Variants in RBFOX1 observed in about 807,000 individuals in gnomAD.
RBFOX1 encodes RNA binding protein fox-1 homolog 1.
RBFOX1 carries 8 observed loss-of-function variants against 57.7 expected under a neutral mutation model. The ratio of observed to expected loss-of-function variants is 0.14; its 90% CI spans 0.08 to 0.25. The LOEUF (loss-of-function observed/expected upper bound fraction) is 0.25. RBFOX1 is among the 10% of genes least tolerant of loss of function. The probability of loss-of-function intolerance (pLI) is 1.00; values close to 1 mark genes in which losing one functional copy is unlikely to be tolerated. For missense variants in RBFOX1, 611 were observed against 548.5 expected (o/e 1.11, Z -1.14); for synonymous variants, 326 against 222.4 (o/e 1.47, Z -4.15).
intron 2 of RBFOX1, among the ~76,000 whole-genome samples, chr16:5,571,799 A>C (rs1034359242): frequency 9.2e-5 from 14 of 152,186 alleles, no homozygotes; most frequent in African/African-American, 3.4e-4. Flanking sequence ...AGAAGCAAGG[A>C]GCCCCCTTAC....
At chr16:6,867,727 A>G (rs2060187254) in intron 3 of RBFOX1, among the ~76,000 whole-genome samples, 1 of 152,152 alleles carries the variant, frequency 6.6e-6, no homozygotes, top group African/African-American at 2.4e-5. Context: ...AAAGAAAGGG[A>G]TCCAACAGAT....
At chr16:7,113,800 G>A (rs57178136) in intron 4 of RBFOX1, among the ~76,000 whole-genome samples, 2,326 of 152,112 alleles carry the variant, frequency 0.015, 57 homozygotes, top group African/African-American at 0.053. Flanking sequence ...GGGCATTAAA[G>A]TTCCCTCCCG....
At chr16:5,306,256 G>A (rs1159347530) in intron 1 of RBFOX1, among the ~76,000 whole-genome samples, 1 of 151,684 alleles carries the variant, frequency 6.6e-6, no homozygotes, top group South Asian at 2.1e-4. Context: ...AACCTTCAGT[G>A]ATTTGGATAA....
chr16:6,206,023 C>T (rs1161232332), intron 1 of RBFOX1, among the ~76,000 whole-genome samples: 1 of 151,832 alleles, frequency 6.6e-6, no homozygotes, highest in Non-Finnish European at 1.5e-5. Flanking sequence ...ATAGAGATAG[C>T]CAGCCACTAT....
chr16:7,655,216 C>T (rs1014931527), intron 12 of RBFOX1, among the ~76,000 whole-genome samples: 9 of 152,006 alleles, frequency 5.9e-5, no homozygotes, highest in Admixed American at 5.2e-4. Context: ...AAAATAAATG[C>T]AATAAAGTTA....
At chr16:5,634,701 T>C (rs2048626646) in intron 3 of RBFOX1, among the ~76,000 whole-genome samples, 1 of 152,134 alleles carries the variant, frequency 6.6e-6, no homozygotes, top group South Asian at 2.1e-4. Flanking sequence ...CAAATTGGGA[T>C]GGGGAGCCAG....
At chr16:5,853,150 G>C (rs1328366559) in intron 3 of RBFOX1, among the ~76,000 whole-genome samples, 1 of 152,090 alleles carries the variant, frequency 6.6e-6, no homozygotes, top group Non-Finnish European at 1.5e-5. Context: ...AAGCTGAATA[G>C]GGGCAGAGCA....
At position 5,564,209 on chromosome 16, in the gene RBFOX1, G is replaced by A. The variant is rs764188673; in HGVS notation, c.259-34693G>A. Among the ~76,000 whole-genome samples, 165 of 151,964 alleles carry A rather than the reference G, an allele frequency of 1.1e-3. 1 individual carries two copies. The highest frequency in any genetic ancestry group is 2.0e-3 in the Non-Finnish European group (133 of 67,970). On this transcript the variant is annotated intron_variant, in intron 2 of 2. Transcript: ENST00000585867. ...GTATTTTTTTTTTTAGTAGGGACAG[G>A]GTTTCACTGTGTTGGCCAGGCTGGT...
In RBFOX1 at chr16:6,004,555, T is replaced by C. The variant is rs994845413; in HGVS notation, c.351+137220T>C. ...ATGAATGTCCAGAAGGTTTTAATGA[T>C]GGGAATATAAACACAGATTTCTGCA... On this transcript the variant is annotated intron_variant, in intron 4 of 19. Coordinates refer to the RBFOX1 transcript ENST00000641259. Among the ~76,000 whole-genome samples the C allele has an allele frequency of 2.6e-5, 4 of 152,298 alleles. No individual in the cohort carries two copies. In the East Asian group the frequency reaches 7.7e-4, roughly 29 times the overall value.
chr16:5,439,033 G>C (rs1475193951), intron 1 of RBFOX1, among the ~76,000 whole-genome samples: 1 of 20,824 alleles, frequency 4.8e-5, no homozygotes, highest in Non-Finnish European at 9.9e-5. Context: ...AGAGAATAAT[G>C]GGGGGGGGGG....
intron 4 of RBFOX1, among the ~76,000 whole-genome samples, chr16:7,202,959 T>G (rs934439498): frequency 6.6e-6 from 1 of 152,188 alleles, no homozygotes; most frequent in African/African-American, 2.4e-5. Context: ...ATTTTGTTTT[T>G]ATATTTTTAG....
At chr16:7,196,805 G>T (rs942425532) in intron 4 of RBFOX1, among the ~76,000 whole-genome samples, 2 of 152,118 alleles carry the variant, frequency 1.3e-5, no homozygotes, top group African/African-American at 2.4e-5. Flanking sequence ...TTTTCACACA[G>T]ATGATTTATG....
chr16:6,391,365 C>T (rs530772061), intron 2 of RBFOX1, among the ~76,000 whole-genome samples: 1 of 152,120 alleles, frequency 6.6e-6, no homozygotes, highest in African/African-American at 2.4e-5. Flanking sequence ...AAAAAATTAG[C>T]CAGGCATGGC....
chr16:5,447,101 G>T (rs527258406), intron 1 of RBFOX1, among the ~76,000 whole-genome samples: 6 of 152,086 alleles, frequency 3.9e-5, no homozygotes, highest in South Asian at 2.1e-4. Flanking sequence ...TGTGACTACC[G>T]CATGAGCCCC....
chr16:7,458,687 G>C (rs908246952), intron 4 of RBFOX1, among the ~76,000 whole-genome samples: 2 of 151,702 alleles, frequency 1.3e-5, no homozygotes, highest in African/African-American at 4.8e-5. Flanking sequence ...TTTTTTTCAA[G>C]TTCTTACCTA....
intron 4 of RBFOX1, among the ~76,000 whole-genome samples, chr16:7,139,061 C>T (rs186378235): frequency 2.4e-3 from 364 of 152,254 alleles, no homozygotes; most frequent in Non-Finnish European, 4.2e-3. Context: ...TCCTTGCCCT[C>T]CCAAAGTGCT....
At chr16:6,509,002 A>G (rs1255463904) in intron 2 of RBFOX1, among the ~76,000 whole-genome samples, 1 of 152,206 alleles carries the variant, frequency 6.6e-6, no homozygotes. Flanking sequence ...TTTAATTTTA[A>G]TGGCAGTTAA....
At chr16:5,935,675 A>G (rs2152255795) in intron 4 of RBFOX1, among the ~76,000 whole-genome samples, 1 of 152,336 alleles carries the variant, frequency 6.6e-6, no homozygotes, top group Non-Finnish European at 1.5e-5. Flanking sequence ...CGGTCCCTCC[A>G]GAGTCAGCAA....
chr16:5,609,173 G>A (rs924262942), intron 3 of RBFOX1, among the ~76,000 whole-genome samples: 5 of 152,120 alleles, frequency 3.3e-5, no homozygotes, highest in South Asian at 2.1e-4. Context: ...GAAATGGGCC[G>A]AACCACCTGA....
Sources: gnomAD v4.1 joint callset for allele counts (sites outside exome capture counted in the v4.1 genomes callset) on GRCh38, gnomAD v4.1.1 for gene constraint, MANE v1.5 for transcripts, NCBI Gene and HGNC (gene_info 2026-07-23, HGNC 2026-07-21) for gene names.